Variants in TMEM94 observed in about 807,000 individuals in gnomAD.
TMEM94 encodes ER Mg2+ ATPase.
In TMEM94, 81 loss-of-function variants were observed where a neutral mutation model predicts 158.6. The ratio of observed to expected loss-of-function variants is 0.51; its 90% CI spans 0.43 to 0.61. The LOEUF is 0.61. Ranked by LOEUF, TMEM94 falls within the 20% of genes least tolerant of loss-of-function variation. The probability of loss-of-function intolerance (pLI) is 0.00; values close to 1 mark genes in which losing one functional copy is unlikely to be tolerated. For missense variants in TMEM94, 1,435 were observed against 1,762.0 expected, an observed-to-expected ratio of 0.81 and a Z score of 3.32; for synonymous variants, 751 against 730.7, an observed-to-expected ratio of 1.03 and a Z score of -0.45.
intron 2 of TMEM94, among the ~76,000 whole-genome samples, chr17:75,480,096 A>AC (rs1290911376): frequency 2.9e-4 from 43 of 147,920 alleles, no homozygotes; most frequent in African/African-American, 1.0e-3. Context: ...TCTCAAAGGA[A>AC]AAAAAAAAAA....
intron 2 of TMEM94, among the ~76,000 whole-genome samples, chr17:75,482,114 G>C (rs1398697498): frequency 6.6e-6 from 1 of 152,138 alleles, no homozygotes; most frequent in Non-Finnish European, 1.5e-5. Flanking sequence ...AGGCCAAGGC[G>C]GGCAGATTGC....
At position 75,499,765 on chromosome 17, in the gene TMEM94, G is replaced by C. The variant is rs1018720317; in HGVS notation, c.*431G>C. ...CAACAGCAGCAGCCTTGGCCGACGC[G>C]TCCAACTCCCAAGGCTGCCGTGGAG... is the stretch of plus-strand genomic sequence containing the variant. On this transcript the variant is annotated 3_prime_UTR_variant, in exon 32 of 32. Coordinates refer to ENST00000314256, the MANE Select transcript of TMEM94 (RefSeq NM_014738.6). The C allele has an allele frequency of 1.7e-5, 3 of 172,466 alleles. No individual in the cohort carries two copies. The highest frequency in any genetic ancestry group is 5.5e-5 in the Admixed American group (1 of 18,036). 10.7% of individuals were successfully genotyped at this position (172,466 alleles called of 1,614,324 possible). A position where few individuals can be genotyped will look rare whatever the true frequency, so the allele number is the denominator to read the frequency against.
At chr17:75,471,251 A>AAAG (rs34583449) in intron 1 of TMEM94, among the ~76,000 whole-genome samples, 5,885 of 140,862 alleles carry the variant, frequency 0.042, 485 homozygotes, top group African/African-American at 0.17. Flanking sequence ...AAAAAAAAAA[A>AAAG]AAAGAAAGAA....
chr17:75,482,464 C>T (rs572906713), intron 2 of TMEM94, among the ~76,000 whole-genome samples: 10 of 152,060 alleles, frequency 6.6e-5, no homozygotes, highest in East Asian at 3.9e-4. Context: ...ACCATGCCCA[C>T]GCCACTGCAT....
intron 2 of TMEM94, among the ~76,000 whole-genome samples, chr17:75,478,276 C>CA (rs2050863582): frequency 1.4e-5 from 2 of 143,526 alleles, no homozygotes; most frequent in Non-Finnish European, 3.0e-5. Flanking sequence ...CTCGGCCTCC[C>CA]AAAGTGCTGG....
Position 75,476,960 on chromosome 17 carries a change from A to C in TMEM94, c.24+5031A>C, listed in dbSNP as rs573967067. 1.4e-4 allele frequency among the ~76,000 whole-genome samples: 21 copies of C among 152,282 alleles called. No individual in the cohort carries two copies. In the South Asian group the frequency reaches 4.1e-3, roughly 30 times the overall value. On this transcript the variant is annotated intron_variant, in intron 2 of 31. Transcript: ENST00000314256. ...TGGGTAGCTGCCAGCCAGGTGCCCGAGTCACCCAGAGCAGGACTGGACCCA... is the reference window on the plus strand; with the variant it reads ...TGGGTAGCTGCCAGCCAGGTGCCCGCGTCACCCAGAGCAGGACTGGACCCA...
intron 2 of TMEM94, among the ~76,000 whole-genome samples, chr17:75,479,259 C>T (rs760328829): frequency 2.0e-5 from 3 of 151,436 alleles, no homozygotes; most frequent in African/African-American, 7.3e-5. Flanking sequence ...CCCAGGAGTT[C>T]GAGACCAGCC....
At chr17:75,471,713 CAA>C (rs148275503) in intron 1 of TMEM94, 85 bp from the exon 2 acceptor site, 6,140 of 429,158 alleles carry the variant, frequency 0.014, no homozygotes, top group South Asian at 0.022. Flanking sequence ...GACTCCGTCT[CAA>C]AAAAAAAAAA....
At position 75,495,426 on chromosome 17, in the gene TMEM94, G is replaced by T. The variant is rs760114707; in HGVS notation, c.2844+27G>T. On this transcript the variant is annotated intron_variant, in intron 21 of 31. Coordinates refer to ENST00000314256, the MANE Select transcript of TMEM94 (RefSeq NM_014738.6). This position sits in a 1 kb window ranked among gnomAD's most constrained non-coding sequence, Gnocchi z 5.6. ...TACGATGGCAGGATCTGTCTCACGT[G>T]TTCCTGTAGTGGTCCCATAGCTGGT... The T allele has an allele frequency of 3.1e-6, 5 of 1,601,508 alleles. No individual in the cohort carries two copies. In the Admixed American group the frequency reaches 8.3e-5, roughly 27 times the overall value.
At chr17:75,471,733 G>GTTT in intron 1 of TMEM94, 67 bp from the exon 2 acceptor site, 1 of 583,160 alleles carries the variant, frequency 1.7e-6, no homozygotes, top group Non-Finnish European at 3.1e-6. Flanking sequence ...AAAAAATGAT[G>GTTT]CTGTTGTGTT....
chr17:75,491,245 C>G lies in TMEM94; in HGVS notation c.1234-58C>G. 6.5e-7 allele frequency: 1 copy of G among 1,546,788 alleles called. No individual in the cohort carries two copies. The highest frequency in any genetic ancestry group is 8.9e-7 in the Non-Finnish European group (1 of 1,123,102). ...CTGCCCACCTGCCGCTTGAGTGGCCCCTGGGCAGGATAGGCTAATGCCAGG... is the reference window on the plus strand; with the variant it reads ...CTGCCCACCTGCCGCTTGAGTGGCCGCTGGGCAGGATAGGCTAATGCCAGG... On this transcript the variant is annotated intron_variant, in intron 12 of 31. Transcript: ENST00000314256. This position sits in a 1 kb window ranked among gnomAD's most constrained non-coding sequence, Gnocchi z 5.1.
At chr17:75,469,370 G>C (rs1002369707) in intron 1 of TMEM94, among the ~76,000 whole-genome samples, 3 of 142,032 alleles carry the variant, frequency 2.1e-5, no homozygotes, top group Non-Finnish European at 4.5e-5. Flanking sequence ...TTTTGAGACC[G>C]AGTCTCACTT....
rs2052930292 is a variant in TMEM94, at chr17:75,498,255, A to T, written c.3570A>T (p.Thr1190=). 4.3e-6 allele frequency: 7 copies of T among 1,613,624 alleles called. No individual in the cohort carries two copies. The South Asian group carries it at 6.6e-5, about 15-fold the overall frequency. ...CCTGCCTCATCTGCTTTGGCTTCAC[A>T]CTGCAGAGCTTCTGTGACAGCTCCC... ...ISSCLICFGF[T]LQSFCDSSRD... The change falls in exon 28 of 32, where the codon ACA becomes ACT. Residue 1190 remains threonine (T), a synonymous_variant. Coordinates refer to ENST00000314256, the MANE Select transcript of TMEM94 (RefSeq NM_014738.6). The surrounding 1 kb of genome is among the most constrained non-coding windows in gnomAD (Gnocchi z 6.7).
In TMEM94 at chr17:75,493,723, G is replaced by A; in HGVS notation, c.2214G>A (p.Gln738=). The change falls in exon 18 of 32, where the codon CAG becomes CAA. Residue 738 remains glutamine, a synonymous_variant. Coordinates refer to ENST00000314256, the MANE Select transcript of TMEM94 (RefSeq NM_014738.6). Reference sequence around the variant, plus strand: ...GAAAGAAAGTGCTGGACTTCTACCAGCGAGCCTGCCTGTCTGGGTATTGCT... The same window carrying A: ...GAAAGAAAGTGCTGGACTTCTACCAACGAGCCTGCCTGTCTGGGTATTGCT... ...SDRKKVLDFY[Q]RACLSGYCSA... 1 of 1,614,010 alleles carries A rather than the reference G, an allele frequency of 6.2e-7. No homozygotes were observed. The highest frequency in any genetic ancestry group is 2.2e-5 in the East Asian group (1 of 44,876).
In TMEM94 at chr17:75,498,256, C is replaced by G; in HGVS notation, c.3571C>G (p.Leu1191Val). The G allele has an allele frequency of 6.2e-7, 1 of 1,613,800 alleles. No homozygotes were observed. The highest frequency in any genetic ancestry group is 8.5e-7 in the Non-Finnish European group (1 of 1,180,010). ...CTGCCTCATCTGCTTTGGCTTCACA[C>G]TGCAGAGCTTCTGTGACAGCTCCCG... Reference protein sequence around the residue: ...SSCLICFGFTLQSFCDSSRDR... With the variant: ...SSCLICFGFTVQSFCDSSRDR... The change falls in exon 28 of 32, where the codon CTG becomes GTG. Residue 1191 changes from leucine to valine, a missense_variant. Physicochemically the swap from Leu to Val is conservative, Grantham distance 32 (BLOSUM62 1). Transcript: ENST00000314256. This position sits in a 1 kb window ranked among gnomAD's most constrained non-coding sequence, Gnocchi z 6.7.
intron 11 of TMEM94, 79 bp downstream of exon 11, chr17:75,490,837 A>G: frequency 7.3e-7 from 1 of 1,372,366 alleles, no homozygotes. Context: ...TATGGCCTTA[A>G]AGCCTCCAAC....
intron 1 of TMEM94, among the ~76,000 whole-genome samples, chr17:75,470,920 A>AAATAAT (rs34433342): frequency 1.4e-5 from 2 of 145,994 alleles, no homozygotes; most frequent in East Asian, 2.0e-4. Context: ...CTCTGTCTCA[A>AAATAAT]AATAATAATA....
At chr17:75,486,225 C>T in intron 4 of TMEM94, 65 bp from the exon 5 acceptor site, 1 of 1,601,568 alleles carries the variant, frequency 6.2e-7, no homozygotes. Context: ...GAGCTGTGGC[C>T]TGGGGGCTGC....
In TMEM94 at chr17:75,490,747, G is replaced by A. The variant is rs1159052938; in HGVS notation, c.1117G>A (p.Val373Ile). 6.2e-7 allele frequency: 1 copy of A among 1,614,000 alleles called. No homozygotes were observed. The highest frequency in any genetic ancestry group is 1.1e-5 in the South Asian group (1 of 91,076). The change falls in exon 11 of 32, where the codon GTC (valine) becomes ATC (isoleucine). Residue 373 changes from valine (V) to isoleucine (I), a missense_variant. By Grantham distance (29) the Val-to-Ile change is conservative. Around this residue, in one of 3 missense-constraint regions of TMEM94, gnomAD observed 1,051 missense variants for 1,254.4 expected, o/e 0.84. Coordinates refer to ENST00000314256, the MANE Select transcript of TMEM94 (RefSeq NM_014738.6). ...TACTCTCAGCAGCTATACGGAGGCTGTCTCCTCTCAGGTACAACACTGACC... is the reference window on the plus strand; with the variant it reads ...TACTCTCAGCAGCTATACGGAGGCTATCTCCTCTCAGGTACAACACTGACC... The part of the protein sequence containing the change: ...EDTLSSYTEA[V>I]SSQEMLRCIW...
Sources: gnomAD v4.1 joint callset for allele counts (sites outside exome capture counted in the v4.1 genomes callset) on GRCh38, gnomAD v4.1.1 for gene constraint, gnomAD v4.1.1 regional missense constraint, Gnocchi (gnomAD v3.1) non-coding constraint, MANE v1.5 for transcripts, NCBI Gene and HGNC (gene_info 2026-07-23, HGNC 2026-07-21) for gene names.